MAGI2: variants seen among roughly 807,000 people sequenced by gnomAD.
The protein encoded by MAGI2 is membrane-associated guanylate kinase, WW and PDZ domain-containing protein 2.
Under a neutral mutation model 133.3 loss-of-function variants are expected in MAGI2, and 35 were observed. The observed-to-expected ratio is 0.26, with a 90% CI of 0.20 to 0.35. The LOEUF (loss-of-function observed/expected upper bound fraction) is 0.35, where lower values mean the gene tolerates loss of function less well. MAGI2 is among the 10% of genes least tolerant of loss of function. MAGI2 has a pLI of 1.00. For synonymous variants in MAGI2, 729 were observed against 710.6 expected (o/e 1.03, Z -0.41); for missense variants, 1,636 against 1,863.4 (o/e 0.88, Z 2.25).
chr7:78,559,578 G>A (rs753261066), intron 3 of MAGI2, among the ~76,000 whole-genome samples: 4 of 151,482 alleles, frequency 2.6e-5, no homozygotes, highest in Middle Eastern at 3.4e-3. Flanking sequence ...GCCGATGCTC[G>A]TGAGTATTAA....
chr7:78,316,500 T>A (rs985317962), intron 9 of MAGI2, among the ~76,000 whole-genome samples: 1 of 152,222 alleles, frequency 6.6e-6, no homozygotes, highest in African/African-American at 2.4e-5. Context: ...AAGTACTCTG[T>A]AAGCCTTTAT....
intron 21 of MAGI2, among the ~76,000 whole-genome samples, chr7:78,051,746 G>C (rs7787948): frequency 1.2e-4 from 18 of 151,786 alleles, no homozygotes; most frequent in Non-Finnish European, 1.9e-4. Context: ...CACCATGCCC[G>C]GCTAATTTTT....
rs759548177 is a variant in MAGI2 at position 78,328,261 on chromosome 7, T to G, written c.1408+15517A>C. ...AACCCCTCAAGGACTTACGCCTTGA[T>G]GAAAACACTGAAAACAATTCCATAT... On this transcript the variant is annotated intron_variant, in intron 9 of 21. Transcript: ENST00000354212. Among the ~76,000 whole-genome samples, 5 of 152,110 alleles carry G rather than the reference T, an allele frequency of 3.3e-5. No homozygotes were observed. In the East Asian group the frequency reaches 9.6e-4, roughly 29 times the overall value.
At chr7:78,484,710 G>C (rs1792793093) in intron 6 of MAGI2, 1 of 151,926 alleles carries the variant, frequency 6.6e-6, no homozygotes. Flanking sequence ...CTTCTATAGG[G>C]CTCATTTACT....
chr7:78,017,189 TAC>T lies in MAGI2; in HGVS notation c.*2124_*2125del, dbSNP rs1371559071. 6 of 152,672 alleles carry T rather than the reference TAC, an allele frequency of 3.9e-5. No individual in the cohort carries two copies. The highest frequency in any genetic ancestry group is 3.9e-4 in the Admixed American group (6 of 15,288). The allele number at this position is 152,672 out of a possible 1,614,324, so 9.5% of individuals were successfully genotyped here. ...CGTTTCATAAAAATAGTTGCTCACTTACAGTCTTTCTGTGACTATTAATACAT... is the reference window on the plus strand; with the variant it reads ...CGTTTCATAAAAATAGTTGCTCACTTAGTCTTTCTGTGACTATTAATACAT... On this transcript the variant is annotated 3_prime_UTR_variant, in exon 22 of 22. Transcript: ENST00000354212.
chr7:79,421,386 T>C (rs1363379168), intron 1 of MAGI2, among the ~76,000 whole-genome samples: 9 of 152,000 alleles, frequency 5.9e-5, no homozygotes, highest in Admixed American at 5.9e-4. Flanking sequence ...TTTATTATTA[T>C]CATTAGCCTT....
intron 21 of MAGI2, among the ~76,000 whole-genome samples, chr7:78,035,774 AAAC>A (rs954603038): frequency 2.0e-5 from 3 of 149,150 alleles, no homozygotes; most frequent in African/African-American, 7.4e-5. Context: ...TTATTGTAGT[AAAC>A]CCTTAGTCTA....
chr7:78,827,143 C>T (rs1367271159), intron 2 of MAGI2, among the ~76,000 whole-genome samples: 5 of 152,066 alleles, frequency 3.3e-5, no homozygotes, highest in Non-Finnish European at 7.4e-5. Flanking sequence ...TCAGTGTACA[C>T]ACATCTATTT....
At chr7:78,299,275 C>CAGAT (rs1004179614) in intron 9 of MAGI2, among the ~76,000 whole-genome samples, 3 of 152,092 alleles carry the variant, frequency 2.0e-5, no homozygotes, top group East Asian at 3.9e-4. Flanking sequence ...AAATTTGTCA[C>CAGAT]AGATAGAAAA....
intron 9 of MAGI2, among the ~76,000 whole-genome samples, chr7:78,333,956 C>G (rs557069499): frequency 5.3e-5 from 8 of 152,258 alleles, no homozygotes; most frequent in African/African-American, 1.9e-4. Context: ...ACAGGTACTT[C>G]AAAAGAGTAG....
chr7:78,829,347 T>A lies in MAGI2; in HGVS notation c.418+177743A>T, dbSNP rs187883926. ...TGTTTATGAATATCTGGCAACTATT[T>A]CTTTTTTTCTTGAAATTTTTGAATT... is the stretch of plus-strand genomic sequence containing the variant. On this transcript the variant is annotated intron_variant, in intron 2 of 21. Coordinates refer to ENST00000354212, the MANE Select transcript of MAGI2 (RefSeq NM_012301.4). Among the ~76,000 whole-genome samples the A allele has an allele frequency of 2.0e-5, 3 of 152,208 alleles. No individual in the cohort carries two copies. In the East Asian group the frequency reaches 5.8e-4, roughly 29 times the overall value.
chr7:78,281,805 G>C (rs996458227), intron 9 of MAGI2, among the ~76,000 whole-genome samples: 1 of 126,072 alleles, frequency 7.9e-6, no homozygotes, highest in Non-Finnish European at 1.8e-5. Context: ...TAAGTGTCTT[G>C]CTAAACTCAA....
chr7:79,432,380 C>T (rs927463385), intron 1 of MAGI2, among the ~76,000 whole-genome samples: 1 of 152,140 alleles, frequency 6.6e-6, no homozygotes, highest in South Asian at 2.1e-4. Context: ...TGATGATACC[C>T]ACAAGCAAAG....
chr7:78,398,789 A>G (rs1410538345), intron 6 of MAGI2, among the ~76,000 whole-genome samples: 1 of 151,940 alleles, frequency 6.6e-6, no homozygotes, highest in Non-Finnish European at 1.5e-5. Flanking sequence ...CACCTCCTCC[A>G]GTAGTTTTCC....
At chr7:79,444,530 C>G (rs866769296) in intron 1 of MAGI2, among the ~76,000 whole-genome samples, 5 of 152,152 alleles carry the variant, frequency 3.3e-5, no homozygotes, top group Admixed American at 1.3e-4. Context: ...CAGACAAACA[C>G]AGAGTCAAAT....
intron 1 of MAGI2, chr7:79,008,783 C>T (rs1199983213): frequency 6.6e-6 from 1 of 152,162 alleles, no homozygotes; most frequent in Non-Finnish European, 1.5e-5. Context: ...TCCAAATGCC[C>T]TGTGTTTCCA....
intron 1 of MAGI2, among the ~76,000 whole-genome samples, chr7:79,276,672 T>G (rs1213108937): frequency 1.3e-5 from 2 of 152,202 alleles, no homozygotes; most frequent in East Asian, 3.8e-4. Flanking sequence ...AATAAATGAT[T>G]TAAATATTAC....
chr7:78,027,134 T>A (rs1316759707), intron 21 of MAGI2, among the ~76,000 whole-genome samples: 1 of 152,212 alleles, frequency 6.6e-6, no homozygotes. Context: ...TGACGCTGAA[T>A]GTCTTTACTG....
At chr7:78,887,451 C>T (rs1796357015) in intron 2 of MAGI2, among the ~76,000 whole-genome samples, 1 of 152,210 alleles carries the variant, frequency 6.6e-6, no homozygotes, top group African/African-American at 2.4e-5. Flanking sequence ...TTAACAAGTC[C>T]TCCTGATGAA....
Sources: gnomAD v4.1 joint callset for allele counts (sites outside exome capture counted in the v4.1 genomes callset) on GRCh38, gnomAD v4.1.1 for gene constraint, MANE v1.5 for transcripts, NCBI Gene and HGNC (gene_info 2026-07-23, HGNC 2026-07-21) for gene names.